NAALADL2: variants seen among roughly 807,000 people sequenced by gnomAD.
NAALADL2 encodes the protein inactive N-acetylated-alpha-linked acidic dipeptidase-like protein 2.
A neutral mutation model predicts 87.2 loss-of-function variants in NAALADL2; 76 were observed. The ratio of observed to expected loss-of-function variants is 0.87; its 90% confidence interval spans 0.72 to 1.05. The LOEUF (loss-of-function observed/expected upper bound fraction) is 1.05, where lower values mean the gene tolerates loss of function less well. Among genes scored for constraint, NAALADL2 ranks in the 50% least tolerant of loss-of-function variants. NAALADL2 has a pLI of 0.00. For synonymous variants in NAALADL2, 354 were observed against 331.0 expected (o/e 1.07, Z -0.75); for missense variants, 1,089 against 945.8 (o/e 1.15, Z -1.99).
At chr3:175,291,316 C>T (rs1014337968) in intron 4 of NAALADL2, among the ~76,000 whole-genome samples, 1 of 152,054 alleles carries the variant, frequency 6.6e-6, no homozygotes, top group Admixed American at 6.5e-5. Flanking sequence ...TTCTTTCGAT[C>T]TAAATTAGAC....
rs182232313 is a variant in NAALADL2, at chr3:174,774,197, C to T, written c.-9+36451C>T. ...ATGGGATTATAACCAATAGATACTA[C>T]CTTAGCTACCCTCTGTGGCATTCAT... On this transcript the variant is annotated intron_variant, in intron 3 of 3. Transcript: ENST00000434257. Among the ~76,000 whole-genome samples the T allele has an allele frequency of 1.2e-4, 19 of 152,222 alleles. 1 individual carries two copies. Among genetic ancestry groups the T allele is most frequent in the Non-Finnish European group, 7.4e-5 (5 of 68,010 alleles).
intron 1 of NAALADL2, among the ~76,000 whole-genome samples, chr3:174,962,371 CATATATAT>C (rs140830010): frequency 0.033 from 2,480 of 75,400 alleles, 153 homozygotes; most frequent in African/African-American, 0.083. Context: ...GTGACTATGA[CATATATAT>C]ATATATATAT....
chr3:175,516,400 G>C (rs928678020), intron 9 of NAALADL2, among the ~76,000 whole-genome samples: 1 of 152,194 alleles, frequency 6.6e-6, no homozygotes, highest in Non-Finnish European at 1.5e-5. Flanking sequence ...TAAGTGTATT[G>C]ATATGTGTGA....
At chr3:175,239,468 A>T (rs752787049) in intron 3 of NAALADL2, among the ~76,000 whole-genome samples, 41 of 152,242 alleles carry the variant, frequency 2.7e-4, no homozygotes, top group Non-Finnish European at 4.7e-4. Flanking sequence ...CAGCAGATGT[A>T]GAAAAGCAAA....
At chr3:175,352,097 C>T (rs1359476509) in intron 5 of NAALADL2, among the ~76,000 whole-genome samples, 1 of 151,784 alleles carries the variant, frequency 6.6e-6, no homozygotes, top group Non-Finnish European at 1.5e-5. Context: ...ATGAGGCTCT[C>T]TGTGGATTTC....
At chr3:175,448,576 T>C (rs1721054623) in intron 6 of NAALADL2, among the ~76,000 whole-genome samples, 1 of 152,188 alleles carries the variant, frequency 6.6e-6, no homozygotes, top group African/African-American at 2.4e-5. Flanking sequence ...CCCTCCCCTA[T>C]GTCACCTCCC....
At chr3:175,386,171 A>G (rs1015651078) in intron 5 of NAALADL2, among the ~76,000 whole-genome samples, 1 of 152,042 alleles carries the variant, frequency 6.6e-6, no homozygotes, top group East Asian at 1.9e-4. Context: ...TGTTGGTTTG[A>G]TAGAATCATA....
At chr3:175,459,833 A>G (rs1722843964) in intron 6 of NAALADL2, among the ~76,000 whole-genome samples, 1 of 152,050 alleles carries the variant, frequency 6.6e-6, no homozygotes. Flanking sequence ...CCACTATTTA[A>G]TCTCTCCTTT....
intron 1 of NAALADL2, among the ~76,000 whole-genome samples, chr3:175,084,369 C>T (rs1423177875): frequency 6.6e-6 from 1 of 152,114 alleles, no homozygotes; most frequent in Non-Finnish European, 1.5e-5. Context: ...GTCGAGATAG[C>T]TTCATTCATA....
chr3:174,663,172 C>T (rs1413831220), intron 2 of NAALADL2, among the ~76,000 whole-genome samples: 1 of 151,842 alleles, frequency 6.6e-6, no homozygotes, highest in Non-Finnish European at 1.5e-5. Flanking sequence ...TATAAATATA[C>T]TAGTGAATAA....
At chr3:175,090,701 A>T (rs1719934892) in intron 1 of NAALADL2, among the ~76,000 whole-genome samples, 1 of 151,942 alleles carries the variant, frequency 6.6e-6, no homozygotes. Flanking sequence ...GTTTTAGTTT[A>T]TGCTATCCAA....
chr3:174,938,410 T>A (rs574762718), intron 1 of NAALADL2, among the ~76,000 whole-genome samples: 1 of 152,302 alleles, frequency 6.6e-6, no homozygotes, highest in East Asian at 1.9e-4. Flanking sequence ...CACATTTTCT[T>A]TATTCAATTT....
At chr3:174,482,094 C>T (rs1023181235) in intron 1 of NAALADL2, among the ~76,000 whole-genome samples, 1 of 152,032 alleles carries the variant, frequency 6.6e-6, no homozygotes, top group African/African-American at 2.4e-5. Flanking sequence ...AGTCTCATAC[C>T]TGCTATATTA....
intron 6 of NAALADL2, among the ~76,000 whole-genome samples, chr3:175,450,694 G>A (rs369357321): frequency 0.027 from 1,651 of 61,064 alleles, 25 homozygotes; most frequent in African/African-American, 0.066. Context: ...ATAGGCTTGA[G>A]TCAACCAGAA....
chr3:175,215,056 T>C (rs966391975), intron 2 of NAALADL2, among the ~76,000 whole-genome samples: 7 of 152,118 alleles, frequency 4.6e-5, no homozygotes, highest in Non-Finnish European at 1.0e-4. Context: ...CCTCTTTTTT[T>C]CCCAAATGAA....
chr3:174,583,411 A>C (rs1003535562), intron 2 of NAALADL2, among the ~76,000 whole-genome samples: 1 of 152,198 alleles, frequency 6.6e-6, no homozygotes, highest in Non-Finnish European at 1.5e-5. Context: ...ATTTTAGTTA[A>C]CCCAAAAAGT....
At chr3:174,812,169 T>G (rs1455591273) in intron 3 of NAALADL2, among the ~76,000 whole-genome samples, 1 of 152,172 alleles carries the variant, frequency 6.6e-6, no homozygotes, top group African/African-American at 2.4e-5. Flanking sequence ...AGCGTGAGAA[T>G]GGACAAATAC....
intron 4 of NAALADL2, among the ~76,000 whole-genome samples, chr3:175,299,432 CT>C (rs60864701): frequency 6.6e-6 from 1 of 150,850 alleles, no homozygotes; most frequent in Non-Finnish European, 1.5e-5. Context: ...AGCATGGAAT[CT>C]TTTTTTTTCA....
chr3:175,344,732 C>G (rs1762947966), intron 5 of NAALADL2, among the ~76,000 whole-genome samples: 1 of 151,958 alleles, frequency 6.6e-6, no homozygotes, highest in Non-Finnish European at 1.5e-5. Flanking sequence ...TGGTAACAAA[C>G]TAGATTTGTA....
Sources: gnomAD v4.1 joint callset for allele counts (sites outside exome capture counted in the v4.1 genomes callset) on GRCh38, gnomAD v4.1.1 for gene constraint, MANE v1.5 for transcripts, NCBI Gene and HGNC (gene_info 2026-07-23, HGNC 2026-07-21) for gene names.